The following GABRB1 variants were observed in gnomAD, a reference collection of about 807,000 sequenced individuals.
The protein encoded by GABRB1 is gamma-aminobutyric acid receptor subunit beta-1.
GABRB1 carries 17 observed loss-of-function variants against 51.6 expected under a neutral mutation model. That is an observed-to-expected ratio of 0.33 (90% CI 0.23 to 0.49). The LOEUF is 0.49. Among genes scored for constraint, GABRB1 ranks in the 20% least tolerant of loss-of-function variants. The pLI, the probability that GABRB1 is intolerant of heterozygous loss-of-function variation, is 0.99. For missense variants in GABRB1, 410 were observed against 600.6 expected (o/e 0.68, Z 3.32); for synonymous variants, 247 against 218.9 (o/e 1.13, Z -1.14).
intron 3 of GABRB1, among the ~76,000 whole-genome samples, chr4:47,109,146 G>A (rs1414840544): frequency 1.3e-5 from 2 of 152,096 alleles, no homozygotes; most frequent in Non-Finnish European, 2.9e-5. Flanking sequence ...TTTATTTTAG[G>A]ATGCTTAACG....
intron 4 of GABRB1, among the ~76,000 whole-genome samples, chr4:47,225,237 A>C (rs1292220000): frequency 6.6e-6 from 1 of 152,168 alleles, no homozygotes; most frequent in Non-Finnish European, 1.5e-5. Context: ...AGAGGTGCTC[A>C]GATGGAACCA....
intron 3 of GABRB1, among the ~76,000 whole-genome samples, chr4:47,121,522 G>A (rs1380957119): frequency 6.6e-6 from 1 of 152,146 alleles, no homozygotes; most frequent in South Asian, 2.1e-4. Context: ...GATGATTGAT[G>A]AAGGCTTCCA....
At chr4:47,341,276 T>C (rs756473412) in intron 5 of GABRB1, among the ~76,000 whole-genome samples, 21 of 152,144 alleles carry the variant, frequency 1.4e-4, no homozygotes, top group Non-Finnish European at 2.6e-4. Flanking sequence ...CAATCCGAAA[T>C]ACCCACCAAG....
At chr4:47,058,769 A>T (rs1257558893) in intron 3 of GABRB1, among the ~76,000 whole-genome samples, 2 of 152,176 alleles carry the variant, frequency 1.3e-5, no homozygotes, top group Non-Finnish European at 2.9e-5. Flanking sequence ...TTGCCTTTGT[A>T]ATGCCTTTTA....
chr4:47,232,307 AC>A (rs1721168323), intron 4 of GABRB1, among the ~76,000 whole-genome samples: 1 of 152,178 alleles, frequency 6.6e-6, no homozygotes. Flanking sequence ...TTCTTACCCT[AC>A]TAAACATATT....
chr4:47,185,798 C>T (rs1201617381), intron 4 of GABRB1, among the ~76,000 whole-genome samples: 3 of 151,754 alleles, frequency 2.0e-5, no homozygotes, highest in African/African-American at 7.3e-5. Flanking sequence ...CAGTAATCAA[C>T]CTTTTTTAAA....
chr4:47,251,645 T>C (rs1290124555), intron 4 of GABRB1, among the ~76,000 whole-genome samples: 1 of 151,986 alleles, frequency 6.6e-6, no homozygotes, highest in Non-Finnish European at 1.5e-5. Context: ...GATGTGGGTG[T>C]CAATTTAGAG....
chr4:47,252,931 A>G (rs1166183252), intron 4 of GABRB1, among the ~76,000 whole-genome samples: 1 of 152,214 alleles, frequency 6.6e-6, no homozygotes, highest in Non-Finnish European at 1.5e-5. Flanking sequence ...TGTGATAACA[A>G]TAATAGAAAA....
intron 1 of GABRB1, among the ~76,000 whole-genome samples, chr4:47,006,939 G>C (rs1322765812): frequency 2.0e-5 from 3 of 152,108 alleles, no homozygotes; most frequent in Non-Finnish European, 2.9e-5. Context: ...TGGATCGCTA[G>C]AGCTCAGGAG....
intron 3 of GABRB1, among the ~76,000 whole-genome samples, chr4:47,128,296 G>C (rs1393148968): frequency 6.6e-6 from 1 of 151,728 alleles, no homozygotes; most frequent in East Asian, 1.9e-4. Flanking sequence ...AAGAAAAAAA[G>C]TTCTCATCAA....
Position 47,161,296 on chromosome 4 carries a change from G to T in GABRB1, c.288G>T (p.Arg96Ser). 1 of 1,612,048 alleles carries T rather than the reference G, an allele frequency of 6.2e-7. No individual in the cohort carries two copies. The highest frequency in any genetic ancestry group is 1.1e-5 in the South Asian group (1 of 91,040). The change falls in exon 4 of 9, where the codon AGG (arginine) becomes AGT (serine). Residue 96 changes from arginine to serine, a missense_variant. Physicochemically the swap from Arg to Ser is moderately radical, Grantham distance 110. This residue lies in a region of GABRB1 where 100 missense variants were observed against 184.3 expected (regional missense o/e 0.54). Coordinates refer to ENST00000295454, the MANE Select transcript of GABRB1 (RefSeq NM_000812.4). The stretch of plus-strand genomic sequence containing the variant: ...TCCAGCAGTCTTGGAAAGACAAAAG[G>T]CTTTCTTATTCTGGAATCCCACTGA... ...MYFQQSWKDK[R>S]LSYSGIPLNL...
At chr4:47,031,543 C>G, upstream of GABRB1, 1 of 853,596 alleles carries the variant, frequency 1.2e-6, no homozygotes, top group Non-Finnish European at 2.0e-6. Flanking sequence ...TGGTAGTGAG[C>G]GCGCTCTGCG....
chr4:47,171,381 A>G (rs1718429584), intron 4 of GABRB1, among the ~76,000 whole-genome samples: 1 of 152,156 alleles, frequency 6.6e-6, no homozygotes, highest in Admixed American at 6.6e-5. Context: ...TCTTAGTTAT[A>G]TTATTAGAAA....
chr4:47,008,402 G>A (rs1283790694), intron 1 of GABRB1, among the ~76,000 whole-genome samples: 1 of 151,786 alleles, frequency 6.6e-6, no homozygotes, highest in Non-Finnish European at 1.5e-5. Context: ...TAGAATATAA[G>A]GAATGCCAAC....
intron 4 of GABRB1, among the ~76,000 whole-genome samples, chr4:47,285,354 AG>A (rs1343268028): frequency 6.6e-6 from 1 of 152,200 alleles, no homozygotes; most frequent in Non-Finnish European, 1.5e-5. Context: ...TTATAACTAA[AG>A]TTTTATTTCT....
intron 5 of GABRB1, among the ~76,000 whole-genome samples, chr4:47,363,026 G>GTGTGTGTGTA (rs1553878714): frequency 1.2e-4 from 15 of 120,192 alleles, no homozygotes; most frequent in Non-Finnish European, 2.5e-4. Flanking sequence ...AAGCGTGTGT[G>GTGTGTGTGTA]TGTGTGTGTG....
At chr4:47,142,525 G>A (rs538128489) in intron 3 of GABRB1, among the ~76,000 whole-genome samples, 1 of 152,006 alleles carries the variant, frequency 6.6e-6, no homozygotes, top group East Asian at 1.9e-4. Flanking sequence ...TTTAAGCAAA[G>A]AAGCGACATT....
chr4:47,207,104 C>T (rs1465787347), intron 4 of GABRB1, among the ~76,000 whole-genome samples: 3 of 151,982 alleles, frequency 2.0e-5, no homozygotes, highest in Admixed American at 1.3e-4. Flanking sequence ...TATGAAGAGA[C>T]TATTAGAATT....
intron 4 of GABRB1, among the ~76,000 whole-genome samples, chr4:47,270,792 A>G (rs1020568847): frequency 1.3e-5 from 2 of 152,206 alleles, no homozygotes; most frequent in African/African-American, 4.8e-5. Flanking sequence ...TTGCTGTCCA[A>G]GGTAACTACC....
Sources: allele counts gnomAD v4.1 joint callset (sites outside exome capture counted in the v4.1 genomes callset), GRCh38; gene constraint gnomAD v4.1.1; regional missense constraint gnomAD v4.1.1; transcripts MANE v1.5; gene names NCBI Gene and HGNC (gene_info 2026-07-23, HGNC 2026-07-21).